Variants in RNF115 observed in about 807,000 individuals in gnomAD.
RNF115 encodes E3 ubiquitin-protein ligase RNF115.
A neutral mutation model predicts 39.2 loss-of-function variants in RNF115; 31 were observed. The ratio of observed to expected loss-of-function variants is 0.79; its 90% confidence interval spans 0.59 to 1.07. RNF115 has a LOEUF of 1.07. Among genes scored for constraint, RNF115 ranks in the 50% least tolerant of loss-of-function variants. The pLI, the probability that RNF115 is intolerant of heterozygous loss-of-function variation, is 0.00. For missense variants in RNF115, 384 were observed against 381.7 expected (o/e 1.01, Z -0.05); for synonymous variants, 124 against 131.0 (o/e 0.95, Z 0.37).
intron 1 of RNF115, among the ~76,000 whole-genome samples, chr1:145,801,436 A>G (rs1448793586): frequency 2.0e-5 from 3 of 151,638 alleles, no homozygotes; most frequent in Middle Eastern, 3.2e-3. Flanking sequence ...GTGGTGGCAC[A>G]TGCCTGTAAT....
intron 1 of RNF115, among the ~76,000 whole-genome samples, chr1:145,793,641 C>T (rs762550862): frequency 5.0e-4 from 75 of 151,472 alleles, no homozygotes; most frequent in Non-Finnish European, 8.8e-4. Flanking sequence ...CACACACACA[C>T]ACCCTCGAGA....
chr1:145,796,754 C>T (rs1489769017), intron 1 of RNF115, among the ~76,000 whole-genome samples: 1 of 152,128 alleles, frequency 6.6e-6, no homozygotes, highest in Non-Finnish European at 1.5e-5. Context: ...TGAAACATCT[C>T]CAGAACCTTC....
At chr1:145,816,916 C>T (rs1471317256) in intron 1 of RNF115, among the ~76,000 whole-genome samples, 2 of 83,392 alleles carry the variant, frequency 2.4e-5, no homozygotes, top group Non-Finnish European at 5.5e-5. Context: ...ACTACAAGCA[C>T]ATGCCACCAT....
Position 145,804,352 on chromosome 1 carries a change from C to T in RNF115, c.103-15386G>A, listed in dbSNP as rs937340423. Among the ~76,000 whole-genome samples, 5 of 152,218 alleles carry T rather than the reference C, an allele frequency of 3.3e-5. No homozygotes were observed. The East Asian group carries it at 9.6e-4, about 29-fold the overall frequency. On this transcript the variant is annotated intron_variant, in intron 1 of 8. Coordinates refer to ENST00000582693, the MANE Select transcript of RNF115 (RefSeq NM_014455.4). ...TATCCTAGTCTTAGGTACTTAGCCT[C>T]GAAATGAGAACTAAGCAATGCTTCA...
At chr1:145,805,505 CTTTG>C (rs1288601635) in intron 1 of RNF115, among the ~76,000 whole-genome samples, 11 of 151,732 alleles carry the variant, frequency 7.2e-5, no homozygotes, top group African/African-American at 9.7e-5. Flanking sequence ...AGCATTATTG[CTTTG>C]TTTGATTTAT....
chr1:145,799,256 C>T (rs932647962), intron 1 of RNF115, among the ~76,000 whole-genome samples: 12 of 151,584 alleles, frequency 7.9e-5, no homozygotes, highest in African/African-American at 2.4e-4. Context: ...TTAGTAAAGA[C>T]GGGGTTTCAC....
intron 3 of RNF115, among the ~76,000 whole-genome samples, chr1:145,780,778 G>A (rs1553717236): frequency 1.3e-5 from 2 of 151,962 alleles, no homozygotes; most frequent in African/African-American, 2.4e-5. Flanking sequence ...GCATACCTGA[G>A]AGCTCTTTTT....
intron 1 of RNF115, among the ~76,000 whole-genome samples, chr1:145,794,588 T>G (rs1648855549): frequency 7.1e-6 from 1 of 140,516 alleles, no homozygotes; most frequent in Non-Finnish European, 1.5e-5. Context: ...CCTATTGGAA[T>G]CATGTGAAGT....
At chr1:145,762,136 T>A (rs183747465) in intron 4 of RNF115, among the ~76,000 whole-genome samples, 1 of 152,382 alleles carries the variant, frequency 6.6e-6, no homozygotes, top group Admixed American at 6.5e-5. Context: ...GCTTTTGATT[T>A]TACAGGCTCA....
intron 3 of RNF115, among the ~76,000 whole-genome samples, chr1:145,778,232 G>A (rs1647967471): frequency 6.6e-6 from 1 of 152,092 alleles, no homozygotes; most frequent in Non-Finnish European, 1.5e-5. Context: ...CAGTCACAAA[G>A]GTTCACATAT....
At chr1:145,799,765 T>C (rs587694212) in intron 1 of RNF115, among the ~76,000 whole-genome samples, 15 of 152,282 alleles carry the variant, frequency 9.9e-5, no homozygotes, top group African/African-American at 3.1e-4. Context: ...GCTAATTGTG[T>C]TTATTTTTTG....
At chr1:145,782,758 C>A (rs1205129605) in intron 3 of RNF115, among the ~76,000 whole-genome samples, 5 of 152,186 alleles carry the variant, frequency 3.3e-5, no homozygotes, top group Admixed American at 3.3e-4. Flanking sequence ...TCTGCATATG[C>A]CTAATCAGTA....
chr1:145,794,501 T>TC (rs1491417392), intron 1 of RNF115, among the ~76,000 whole-genome samples: 1 of 136,400 alleles, frequency 7.3e-6, no homozygotes, highest in Non-Finnish European at 1.6e-5. Flanking sequence ...CTAATCTCTT[T>TC]CTTTTTTTTT....
intron 1 of RNF115, among the ~76,000 whole-genome samples, chr1:145,790,636 T>C (rs1397780136): frequency 2.0e-5 from 3 of 152,032 alleles, no homozygotes; most frequent in Non-Finnish European, 2.9e-5. Context: ...TTTACCATGT[T>C]GGTCAGGCTG....
intron 1 of RNF115, among the ~76,000 whole-genome samples, chr1:145,811,435 T>C (rs1290720344): frequency 1.1e-4 from 16 of 145,492 alleles, no homozygotes; most frequent in African/African-American, 3.0e-4. Context: ...TTGCAAAGAA[T>C]TGTTCACTGT....
intron 3 of RNF115, among the ~76,000 whole-genome samples, chr1:145,780,723 T>A (rs1338247885): frequency 6.6e-6 from 1 of 152,178 alleles, no homozygotes; most frequent in Non-Finnish European, 1.5e-5. Flanking sequence ...TAACAAATTT[T>A]ATTTAAATAC....
chr1:145,751,540 G>C (rs1186061175), intron 5 of RNF115, 30 bp from the exon 6 acceptor site: 2 of 1,520,532 alleles, frequency 1.3e-6, no homozygotes, highest in Non-Finnish European at 1.8e-6. Flanking sequence ...GACAGCATTA[G>C]ATGGAGTGAC....
chr1:145,784,740 T>C (rs782551674), intron 2 of RNF115, 144 bp from the exon 3 acceptor site: 2 of 635,402 alleles, frequency 3.1e-6, no homozygotes, highest in Non-Finnish European at 5.7e-6. Context: ...AAGGAAATTA[T>C]GAATAACTGG....
At chr1:145,801,760 A>G in intron 1 of RNF115, among the ~76,000 whole-genome samples, 1 of 151,858 alleles carries the variant, frequency 6.6e-6, no homozygotes, top group Admixed American at 6.6e-5. Context: ...TTTTTCAGTA[A>G]CTCATTTCTA....
Sources: allele counts gnomAD v4.1 joint callset (sites outside exome capture counted in the v4.1 genomes callset), GRCh38; gene constraint gnomAD v4.1.1; transcripts MANE v1.5; gene names NCBI Gene and HGNC (gene_info 2026-07-23, HGNC 2026-07-21).